The following IL12RB2 variants were observed in gnomAD, a reference collection of about 807,000 sequenced individuals.
IL12RB2 encodes the protein interleukin 12 receptor subunit beta 2.
In IL12RB2, 82 loss-of-function variants were observed where a neutral mutation model predicts 89.4. The observed-to-expected ratio is 0.92, with a 90% CI of 0.77 to 1.10. IL12RB2 has a LOEUF of 1.10. IL12RB2 is among the 50% of genes least tolerant of loss of function. The pLI, the probability that IL12RB2 is intolerant of heterozygous loss-of-function variation, is 0.00. For synonymous variants in IL12RB2, 368 were observed against 370.1 expected (o/e 0.99, Z 0.07); for missense variants, 963 against 1,031.9 (o/e 0.93, Z 0.92).
chr1:67,343,081 G>C (rs1332793082), intron 9 of IL12RB2, among the ~76,000 whole-genome samples: 1 of 65,412 alleles, frequency 1.5e-5, no homozygotes, highest in Non-Finnish European at 2.8e-5. Flanking sequence ...CCATCACCAC[G>C]CCCAGCTAAT....
intron 4 of IL12RB2, among the ~76,000 whole-genome samples, chr1:67,325,132 C>T (rs968969623): frequency 2.0e-5 from 3 of 152,274 alleles, no homozygotes; most frequent in Non-Finnish European, 4.4e-5. Context: ...CAAATGGGGT[C>T]ATGCACCTAG....
intron 16 of IL12RB2, among the ~76,000 whole-genome samples, chr1:67,390,680 T>G: frequency 6.6e-6 from 1 of 150,690 alleles, no homozygotes; most frequent in Non-Finnish European, 1.5e-5. Flanking sequence ...GAGGGGAGAG[T>G]AAAGGAAGTG....
chr1:67,352,321 C>T (rs1660939247), intron 10 of IL12RB2, among the ~76,000 whole-genome samples: 1 of 152,168 alleles, frequency 6.6e-6, no homozygotes, highest in African/African-American at 2.4e-5. Flanking sequence ...GGTAGACAGC[C>T]TAGGGCTGGT....
chr1:67,327,780 C>T (rs188014770), intron 5 of IL12RB2, among the ~76,000 whole-genome samples: 1 of 152,180 alleles, frequency 6.6e-6, no homozygotes, highest in East Asian at 1.9e-4. Flanking sequence ...TATTGACACG[C>T]GGGTCTCAGT....
At chr1:67,359,775 C>T (rs1661782800) in intron 10 of IL12RB2, among the ~76,000 whole-genome samples, 1 of 151,948 alleles carries the variant, frequency 6.6e-6, no homozygotes, top group Admixed American at 6.6e-5. Flanking sequence ...GCATCTAAGG[C>T]ACTTTGGAAG....
rs1570255582 is a variant in IL12RB2 at position 67,396,236 on chromosome 1, G to A, written c.*147G>A. ...AGAGGACAGGCAAGCCAGCTCTGGGGGAGTCTTAGGAACTGGGAGTTGGTC... is the reference window on the plus strand; with the variant it reads ...AGAGGACAGGCAAGCCAGCTCTGGGAGAGTCTTAGGAACTGGGAGTTGGTC... On this transcript the variant is annotated 3_prime_UTR_variant, in exon 17 of 17. Transcript: ENST00000674203. The A allele has an allele frequency of 1.3e-6, 1 of 748,556 alleles. No homozygotes were observed. Among genetic ancestry groups the A allele is most frequent in the Non-Finnish European group, 2.4e-6 (1 of 410,656 alleles). The allele number at this position is 748,556 out of a possible 1,614,324, so 46.4% of individuals were successfully genotyped here.
rs576139474 is a variant in IL12RB2 at position 67,341,184 on chromosome 1, G to A, written c.1038+2481G>A. ...CCTAATCCCAGCACCTGGGGAGGTC[G>A]AGGTGGGCAGATCACTGAAGTCCAG... On this transcript the variant is annotated intron_variant, in intron 9 of 16. Transcript: ENST00000674203. Among the ~76,000 whole-genome samples, 8 of 152,240 alleles carry A rather than the reference G, an allele frequency of 5.3e-5. 1 individual carries two copies. The highest frequency in any genetic ancestry group is 1.9e-4 in the African/African-American group (8 of 41,518).
Position 67,372,539 on chromosome 1 carries a change from G to A in IL12RB2, c.1558+5G>A. On this transcript the variant is annotated splice_donor_5th_base_variant and intron_variant, in intron 12 of 16. Transcript: ENST00000674203. ...TGGGTAACTCTAAGCACAAAGGTGAGTCTTGGGATCTTTTGCCAAATTTTG... is the reference window on the plus strand; with the variant it reads ...TGGGTAACTCTAAGCACAAAGGTGAATCTTGGGATCTTTTGCCAAATTTTG... 1 of 1,603,198 alleles carries A rather than the reference G, an allele frequency of 6.2e-7. No homozygotes were observed. Among genetic ancestry groups the A allele is most frequent in the South Asian group, 1.1e-5 (1 of 90,850 alleles).
intron 10 of IL12RB2, among the ~76,000 whole-genome samples, chr1:67,358,521 A>G (rs1661645010): frequency 6.6e-6 from 1 of 152,168 alleles, no homozygotes; most frequent in Admixed American, 6.5e-5. Context: ...TGTTGCAGTG[A>G]GCCAAGATTG....
chr1:67,388,248 G>T (rs938366427), intron 15 of IL12RB2, among the ~76,000 whole-genome samples: 11 of 152,196 alleles, frequency 7.2e-5, no homozygotes, highest in Non-Finnish European at 1.5e-4. Flanking sequence ...CAAGTGCATT[G>T]TCGTCCTAGT....
Position 67,321,748 on chromosome 1 carries a change from A to G in IL12RB2, c.223A>G (p.Arg75Gly). 6.2e-7 allele frequency: 1 copy of G among 1,613,232 alleles called. No homozygotes were observed. Among genetic ancestry groups the G allele is most frequent in the Non-Finnish European group, 8.5e-7 (1 of 1,179,168 alleles). The part of the protein sequence containing the change: ...RNKLILYKFD[R>G]RINFHHGHSL... ...CAAGTTAATCCTGTACAAGTTTGAC[A>G]GAAGAATCAATTTTCACCATGGCCA... The change falls in exon 4 of 17, where the codon AGA (arginine) becomes GGA (glycine). Residue 75 changes from arginine (R) to glycine (G), a missense_variant. By Grantham distance (125) the Arg-to-Gly change is moderately radical (BLOSUM62 -2). Transcript: ENST00000674203.
intron 8 of IL12RB2, among the ~76,000 whole-genome samples, chr1:67,336,206 T>G (rs1047367600): frequency 6.6e-6 from 1 of 152,164 alleles, no homozygotes; most frequent in African/African-American, 2.4e-5. Flanking sequence ...AAGACCTGGG[T>G]CCAGTCCTCA....
chr1:67,374,777 C>CTTTTTTTTT (rs35122967), intron 13 of IL12RB2, among the ~76,000 whole-genome samples: 1 of 53,840 alleles, frequency 1.9e-5, no homozygotes, highest in Non-Finnish European at 3.2e-5. Context: ...AGCCCAGCCT[C>CTTTTTTTTT]TTTTTTTTTT....
chr1:67,342,130 G>A (rs1025087354), intron 9 of IL12RB2, among the ~76,000 whole-genome samples: 5 of 152,188 alleles, frequency 3.3e-5, no homozygotes, highest in Non-Finnish European at 2.9e-5. Flanking sequence ...CAGCCAGATC[G>A]CTTTGTGACA....
intron 6 of IL12RB2, 113 bp from the exon 7 acceptor site, chr1:67,329,474 T>C: frequency 1.3e-6 from 1 of 768,252 alleles, no homozygotes. Context: ...AATTTGATGG[T>C]TGTGCATCTC....
chr1:67,380,255 T>C, intron 14 of IL12RB2, 132 bp downstream of exon 14: 1 of 865,464 alleles, frequency 1.2e-6, no homozygotes, highest in Non-Finnish European at 1.9e-6. Flanking sequence ...CACTTTACAC[T>C]TGCTGTTTCT....
chr1:67,340,224 C>G (rs1272748760), intron 9 of IL12RB2, among the ~76,000 whole-genome samples: 1 of 152,196 alleles, frequency 6.6e-6, no homozygotes, highest in Non-Finnish European at 1.5e-5. Context: ...TGATCAGGCT[C>G]TTCACTTTGA....
chr1:67,372,582 G>T (rs780664585), intron 12 of IL12RB2, 43 bp from the exon 13 acceptor site: 5 of 1,609,470 alleles, frequency 3.1e-6, no homozygotes, highest in Non-Finnish European at 4.3e-6. Context: ...TTAATGATTT[G>T]GATTTGGAGG....
intron 13 of IL12RB2, among the ~76,000 whole-genome samples, chr1:67,377,216 T>G (rs4655541): frequency 1.3e-5 from 2 of 151,954 alleles, no homozygotes; most frequent in African/African-American, 4.8e-5. Context: ...GGCAGATTCT[T>G]TGCTTTTGTA....
Sources: allele counts gnomAD v4.1 joint callset (sites outside exome capture counted in the v4.1 genomes callset), GRCh38; gene constraint gnomAD v4.1.1; transcripts MANE v1.5; gene names NCBI Gene and HGNC (gene_info 2026-07-23, HGNC 2026-07-21).